Variants in SENP6 observed in about 807,000 individuals in gnomAD.
The protein encoded by SENP6 is SUMO specific peptidase 6.
SENP6 carries 41 observed loss-of-function variants against 134.5 expected under a neutral mutation model. The ratio of observed to expected loss-of-function variants is 0.30; its 90% CI spans 0.24 to 0.40. The LOEUF (loss-of-function observed/expected upper bound fraction) is 0.40. Among genes scored for constraint, SENP6 ranks in the 10% least tolerant of loss-of-function variants. The pLI is 1.00. For synonymous variants in SENP6, 395 were observed against 429.8 expected, an observed-to-expected ratio of 0.92 and a Z score of 1.00; for missense variants, 1,248 against 1,312.5, an observed-to-expected ratio of 0.95 and a Z score of 0.76.
chr6:75,656,681 A>G (rs1482147377), intron 7 of SENP6, among the ~76,000 whole-genome samples: 1 of 152,168 alleles, frequency 6.6e-6, no homozygotes, highest in Non-Finnish European at 1.5e-5. Flanking sequence ...AACTCTCTAT[A>G]GATCTAGTTT....
intron 9 of SENP6, among the ~76,000 whole-genome samples, chr6:75,666,170 A>G (rs1772212525): frequency 1.2e-5 from 1 of 86,692 alleles, no homozygotes; most frequent in Admixed American, 1.1e-4. Context: ...ATATATATAT[A>G]AAACGTATAT....
intron 18 of SENP6, among the ~76,000 whole-genome samples, chr6:75,699,830 T>G (rs1278209582): frequency 2.0e-5 from 3 of 152,020 alleles, no homozygotes; most frequent in Non-Finnish European, 1.5e-5. Context: ...TATTAAAAAT[T>G]GTTATAGTAA....
At chr6:75,614,234 C>T (rs545193118) in intron 1 of SENP6, among the ~76,000 whole-genome samples, 1 of 150,784 alleles carries the variant, frequency 6.6e-6, no homozygotes, top group Non-Finnish European at 1.5e-5. Context: ...TGGTGTTCAC[C>T]AGATTTTTCC....
chr6:75,620,115 G>A (rs1276305357), intron 1 of SENP6, among the ~76,000 whole-genome samples: 1 of 149,834 alleles, frequency 6.7e-6, no homozygotes, highest in Non-Finnish European at 1.5e-5. Flanking sequence ...AGGAAAATAA[G>A]CTTTCCTAAT....
At chr6:75,685,441 G>A (rs1773763646) in intron 16 of SENP6, among the ~76,000 whole-genome samples, 1 of 151,982 alleles carries the variant, frequency 6.6e-6, no homozygotes. Flanking sequence ...GAATTTGTTT[G>A]CTCTTGCTTC....
chr6:75,649,504 T>G (rs1770705568), intron 7 of SENP6, among the ~76,000 whole-genome samples: 1 of 151,854 alleles, frequency 6.6e-6, no homozygotes. Flanking sequence ...TTAACTTGGG[T>G]TTTGTTTGTT....
At chr6:75,650,278 T>C (rs1459469421) in intron 7 of SENP6, among the ~76,000 whole-genome samples, 2 of 152,194 alleles carry the variant, frequency 1.3e-5, no homozygotes, top group Admixed American at 6.6e-5. Flanking sequence ...TTAACCATGA[T>C]CATTTGGTTA....
At position 75,716,849 on chromosome 6, in the gene SENP6, G is replaced by C. The variant is rs552871787; in HGVS notation, c.*1255G>C. On this transcript the variant is annotated 3_prime_UTR_variant, in exon 24 of 24. Transcript: ENST00000447266. ...GAATAAAAAGAAAGCCTAATCATCAGCAATTATTTTATTTTTAATTTGGCC... is the reference window on the plus strand; with the variant it reads ...GAATAAAAAGAAAGCCTAATCATCACCAATTATTTTATTTTTAATTTGGCC... The C allele has an allele frequency of 6.6e-6, 1 of 151,826 alleles. No homozygotes were observed. The highest frequency in any genetic ancestry group is 2.1e-4 in the South Asian group (1 of 4,832). The allele number at this position is 151,826 out of a possible 1,614,324, so 9.4% of individuals were successfully genotyped here.
intron 1 of SENP6, among the ~76,000 whole-genome samples, chr6:75,604,385 A>G (rs1766865803): frequency 6.6e-6 from 1 of 152,188 alleles, no homozygotes; most frequent in African/African-American, 2.4e-5. Flanking sequence ...CACACACAGC[A>G]TTTTGGAGGG....
At chr6:75,701,352 C>T (rs1005226923) in intron 18 of SENP6, among the ~76,000 whole-genome samples, 1 of 152,130 alleles carries the variant, frequency 6.6e-6, no homozygotes, top group Non-Finnish European at 1.5e-5. Context: ...AACAGTGATA[C>T]CTGAATTCAG....
intron 16 of SENP6, among the ~76,000 whole-genome samples, chr6:75,688,140 A>T (rs1773978656): frequency 6.6e-6 from 1 of 152,202 alleles, no homozygotes; most frequent in African/African-American, 2.4e-5. Flanking sequence ...TGTCTCACAG[A>T]TGGATCTCAG....
At chr6:75,635,116 T>A (rs1769412469) in intron 5 of SENP6, 1 of 406,422 alleles carries the variant, frequency 2.5e-6, no homozygotes, top group Non-Finnish European at 4.7e-6. Flanking sequence ...TGAGATATCT[T>A]CAGTTGGTAG....
At chr6:75,632,861 C>T (rs1213912889) in intron 3 of SENP6, among the ~76,000 whole-genome samples, 1 of 151,954 alleles carries the variant, frequency 6.6e-6, no homozygotes, top group Non-Finnish European at 1.5e-5. Flanking sequence ...TGTAGATTAC[C>T]AAATTAGCAC....
At chr6:75,619,988 T>C (rs1288583804) in intron 1 of SENP6, among the ~76,000 whole-genome samples, 1 of 148,754 alleles carries the variant, frequency 6.7e-6, no homozygotes, top group African/African-American at 2.5e-5. Flanking sequence ...AGCTACTCCA[T>C]AGGCTGAGGC....
At chr6:75,691,211 C>T (rs924539808) in intron 16 of SENP6, among the ~76,000 whole-genome samples, 7 of 151,194 alleles carry the variant, frequency 4.6e-5, no homozygotes, top group South Asian at 2.1e-4. Context: ...GACGCAATCA[C>T]GACTCACTGA....
At chr6:75,694,936 G>A (rs1020878883) in intron 16 of SENP6, among the ~76,000 whole-genome samples, 27 of 151,812 alleles carry the variant, frequency 1.8e-4, no homozygotes, top group African/African-American at 6.3e-4. Flanking sequence ...GTGTAGTGGT[G>A]TGATTTTGGC....
chr6:75,634,031 G>A (rs1405324795), intron 4 of SENP6, among the ~76,000 whole-genome samples: 4 of 152,148 alleles, frequency 2.6e-5, no homozygotes, highest in Non-Finnish European at 4.4e-5. Flanking sequence ...CAATAGAGTG[G>A]TGTGGTCATG....
chr6:75,685,077 C>T (rs1386377737), intron 16 of SENP6, among the ~76,000 whole-genome samples: 2 of 152,092 alleles, frequency 1.3e-5, no homozygotes, highest in South Asian at 2.1e-4. Context: ...AATTTCAGAG[C>T]CTGTTACTGG....
intron 9 of SENP6, 81 bp downstream of exon 9, chr6:75,663,599 C>T: frequency 1.0e-6 from 1 of 979,770 alleles, no homozygotes; most frequent in Non-Finnish European, 1.5e-6. Flanking sequence ...TCTCCCCAAC[C>T]CCATATATAT....
Sources: allele counts gnomAD v4.1 joint callset (sites outside exome capture counted in the v4.1 genomes callset), GRCh38; gene constraint gnomAD v4.1.1; transcripts MANE v1.5; gene names NCBI Gene and HGNC (gene_info 2026-07-23, HGNC 2026-07-21).